The following MAGI1 variants were observed in gnomAD, a reference collection of about 807,000 sequenced individuals.
MAGI1 encodes membrane-associated guanylate kinase, WW and PDZ domain-containing protein 1.
MAGI1 carries 58 observed loss-of-function variants against 139.9 expected under a neutral mutation model. That is an observed-to-expected ratio of 0.41 (90% CI 0.34 to 0.52). The LOEUF (loss-of-function observed/expected upper bound fraction) is 0.52. Ranked by LOEUF, MAGI1 falls within the 20% of genes least tolerant of loss-of-function variation. The pLI, the probability that MAGI1 is intolerant of heterozygous loss-of-function variation, is 0.12. For missense variants in MAGI1, 1,874 were observed against 1,901.6 expected, an observed-to-expected ratio of 0.99 and a Z score of 0.27; for synonymous variants, 812 against 737.9, an observed-to-expected ratio of 1.10 and a Z score of -1.63.
intron 2 of MAGI1, among the ~76,000 whole-genome samples, chr3:65,503,093 T>C (rs1449278431): frequency 6.6e-6 from 1 of 152,180 alleles, no homozygotes; most frequent in East Asian, 1.9e-4. Flanking sequence ...CCAGGTGTGC[T>C]GTACCTCCAG....
intron 1 of MAGI1, among the ~76,000 whole-genome samples, chr3:65,860,634 TC>T (rs2059525798): frequency 1.3e-5 from 2 of 152,090 alleles, no homozygotes; most frequent in Admixed American, 1.3e-4. Flanking sequence ...CAGAGAAAGG[TC>T]CCCTAGGATG....
chr3:65,463,221 T>C (rs1392129727), intron 5 of MAGI1, among the ~76,000 whole-genome samples: 2 of 152,238 alleles, frequency 1.3e-5, no homozygotes, highest in East Asian at 3.9e-4. Flanking sequence ...CCATTCAGTA[T>C]GATATTGGCT....
intron 1 of MAGI1, among the ~76,000 whole-genome samples, chr3:65,725,739 C>A (rs1343160552): frequency 1.3e-5 from 2 of 152,188 alleles, no homozygotes; most frequent in African/African-American, 4.8e-5. Flanking sequence ...GCAGCACATT[C>A]CATTCCAGCC....
intron 12 of MAGI1, among the ~76,000 whole-genome samples, chr3:65,406,483 G>GA (rs1244686593): frequency 6.6e-6 from 1 of 152,124 alleles, no homozygotes; most frequent in East Asian, 1.9e-4. Flanking sequence ...CTACGCATAA[G>GA]AAAAATGTAC....
At chr3:65,490,845 AAAAAAAAAAAAAG>A (rs1475513052) in intron 3 of MAGI1, among the ~76,000 whole-genome samples, 1 of 147,900 alleles carries the variant, frequency 6.8e-6, no homozygotes, top group Non-Finnish European at 1.5e-5. Context: ...CTCTGTCTCA[AAAAAAAAAAAAAG>A]AAAAAAGAAA....
intron 1 of MAGI1, among the ~76,000 whole-genome samples, chr3:65,627,730 T>C (rs2084061841): frequency 6.6e-6 from 1 of 151,800 alleles, no homozygotes; most frequent in South Asian, 2.1e-4. Context: ...TTGGTCTCGA[T>C]CTCCTGACCT....
At chr3:65,670,541 T>C (rs1034422339) in intron 1 of MAGI1, among the ~76,000 whole-genome samples, 3 of 152,136 alleles carry the variant, frequency 2.0e-5, no homozygotes, top group Non-Finnish European at 4.4e-5. Context: ...ATGTCTGACA[T>C]AGCCATAGAC....
At chr3:65,771,574 T>A (rs1412129800) in intron 1 of MAGI1, among the ~76,000 whole-genome samples, 2 of 152,284 alleles carry the variant, frequency 1.3e-5, no homozygotes, top group South Asian at 2.1e-4. Flanking sequence ...GCTATCAAAA[T>A]AAGGTATAAC....
chr3:65,516,761 T>C (rs1441597510), intron 2 of MAGI1, among the ~76,000 whole-genome samples: 5 of 129,356 alleles, frequency 3.9e-5, no homozygotes, highest in Admixed American at 1.8e-4. Flanking sequence ...GGAGTCTCGC[T>C]CTGTGGCCCA....
At chr3:65,694,356 C>T (rs912054057) in intron 1 of MAGI1, among the ~76,000 whole-genome samples, 1 of 152,128 alleles carries the variant, frequency 6.6e-6, no homozygotes, top group African/African-American at 2.4e-5. Context: ...ATAGGGCCAG[C>T]ATCTACCCCA....
At chr3:65,898,850 G>A (rs1022403864) in intron 1 of MAGI1, among the ~76,000 whole-genome samples, 8 of 152,052 alleles carry the variant, frequency 5.3e-5, no homozygotes, top group African/African-American at 1.2e-4. Context: ...AATATCATAT[G>A]TACCCCATGA....
chr3:65,389,748 C>A (rs1485983102), intron 14 of MAGI1, among the ~76,000 whole-genome samples: 8 of 152,130 alleles, frequency 5.3e-5, no homozygotes, highest in Non-Finnish European at 1.2e-4. Flanking sequence ...TCTTTCTAGT[C>A]CAGCGACTAA....
chr3:65,763,646 G>A (rs1466615908), intron 1 of MAGI1, among the ~76,000 whole-genome samples: 1 of 151,668 alleles, frequency 6.6e-6, no homozygotes, highest in Non-Finnish European at 1.5e-5. Flanking sequence ...CAGACTGTCT[G>A]AATGGGATAT....
intron 2 of MAGI1, among the ~76,000 whole-genome samples, chr3:65,567,196 G>C (rs1487996207): frequency 6.6e-6 from 1 of 151,914 alleles, no homozygotes; most frequent in Non-Finnish European, 1.5e-5. Flanking sequence ...TAAAAGATGA[G>C]CTTTTTTTAG....
At chr3:65,864,439 C>T (rs1034108314) in intron 1 of MAGI1, among the ~76,000 whole-genome samples, 1 of 152,190 alleles carries the variant, frequency 6.6e-6, no homozygotes, top group Non-Finnish European at 1.5e-5. Context: ...GGCCTGCTTT[C>T]TTGCTTTGCT....
chr3:65,445,877 T>G (rs553263855), intron 7 of MAGI1, among the ~76,000 whole-genome samples: 1 of 152,192 alleles, frequency 6.6e-6, no homozygotes, highest in Non-Finnish European at 1.5e-5. Flanking sequence ...CATCTGGAAT[T>G]ACATTGTTCA....
At chr3:65,759,145 G>A (rs556981436) in intron 1 of MAGI1, among the ~76,000 whole-genome samples, 19 of 147,586 alleles carry the variant, frequency 1.3e-4, no homozygotes, top group East Asian at 4.2e-4. Context: ...AGTGTCTCCC[G>A]ATGGGTTAGC....
chr3:65,579,869 C>T (rs1041098939), intron 2 of MAGI1, among the ~76,000 whole-genome samples: 1 of 150,842 alleles, frequency 6.6e-6, no homozygotes, highest in Non-Finnish European at 1.5e-5. Context: ...AAAACTCGCT[C>T]AGTATCATTG....
At chr3:65,580,044 TC>T (rs1423581945) in intron 2 of MAGI1, among the ~76,000 whole-genome samples, 4 of 152,124 alleles carry the variant, frequency 2.6e-5, no homozygotes, top group Non-Finnish European at 5.9e-5. Flanking sequence ...CACTGGTCTA[TC>T]CCAAGTCCAG....
Sources: gnomAD v4.1 joint callset for allele counts (sites outside exome capture counted in the v4.1 genomes callset) on GRCh38, gnomAD v4.1.1 for gene constraint, MANE v1.5 for transcripts, NCBI Gene and HGNC (gene_info 2026-07-23, HGNC 2026-07-21) for gene names.